OXSR1: variants seen among roughly 807,000 people sequenced by gnomAD.
OXSR1 encodes the protein oxidative stress responsive kinase 1.
Under a neutral mutation model 79.8 loss-of-function variants are expected in OXSR1, and 24 were observed. That is an observed-to-expected ratio of 0.30 (90% confidence interval 0.22 to 0.42). The LOEUF (loss-of-function observed/expected upper bound fraction) is 0.42, where lower values mean the gene tolerates loss of function less well. Ranked by LOEUF, OXSR1 falls within the 10% of genes least tolerant of loss-of-function variation. The pLI, the probability that OXSR1 is intolerant of heterozygous loss-of-function variation, is 1.00. For synonymous variants in OXSR1, 226 were observed against 209.2 expected, an observed-to-expected ratio of 1.08 and a Z score of -0.69; for missense variants, 430 against 618.4, an observed-to-expected ratio of 0.70 and a Z score of 3.23.
At chr3:38,204,136 G>T (rs1037363399) in intron 4 of OXSR1, among the ~76,000 whole-genome samples, 1 of 152,132 alleles carries the variant, frequency 6.6e-6, no homozygotes, top group Non-Finnish European at 1.5e-5. Flanking sequence ...CTCATGGCAG[G>T]TACTGCCTGG....
chr3:38,180,012 T>C (rs1408194296), intron 1 of OXSR1, among the ~76,000 whole-genome samples: 2 of 152,150 alleles, frequency 1.3e-5, no homozygotes, highest in Non-Finnish European at 2.9e-5. Flanking sequence ...TTTCACTATG[T>C]TGGCCAGATG....
chr3:38,218,890 G>A (rs555042651), intron 5 of OXSR1, among the ~76,000 whole-genome samples: 3 of 152,072 alleles, frequency 2.0e-5, no homozygotes, highest in Non-Finnish European at 2.9e-5. Flanking sequence ...TTGCACAAAG[G>A]GGGGGACCTT....
At chr3:38,210,817 G>T (rs868274139) in intron 4 of OXSR1, among the ~76,000 whole-genome samples, 3 of 152,114 alleles carry the variant, frequency 2.0e-5, no homozygotes, top group Admixed American at 2.0e-4. Context: ...TTTTCCTGTT[G>T]TGAAGACAGA....
In OXSR1 at chr3:38,255,052, A is replaced by G. The variant is rs1339533712; in HGVS notation, c.*2161A>G. The G allele has an allele frequency of 6.6e-6, 1 of 152,662 alleles. No homozygotes were observed. The highest frequency in any genetic ancestry group is 1.5e-5 in the Non-Finnish European group (1 of 68,064). 9.5% of individuals were successfully genotyped at this position (152,662 alleles called of 1,614,324 possible). A position where few individuals can be genotyped will look rare whatever the true frequency, so the allele number is the denominator to read the frequency against. ...TTTGCTGGCTTGTGCAGTGATACTG[A>G]GAAAATACATGAACAGAAACTGCCC... is the stretch of plus-strand genomic sequence containing the variant. On this transcript the variant is annotated 3_prime_UTR_variant, in exon 18 of 18. Coordinates refer to ENST00000311806, the MANE Select transcript of OXSR1 (RefSeq NM_005109.3).
intron 4 of OXSR1, among the ~76,000 whole-genome samples, chr3:38,200,551 T>C (rs1306389613): frequency 2.0e-5 from 3 of 152,128 alleles, no homozygotes; most frequent in African/African-American, 7.2e-5. Context: ...ACAGGGAATA[T>C]TTAAAGGGGA....
upstream of OXSR1, among the ~76,000 whole-genome samples, chr3:38,164,730 A>G (rs1701395396): frequency 6.6e-6 from 1 of 152,154 alleles, no homozygotes. Context: ...GAAGAAAGAC[A>G]ACCTCCCGAG....
chr3:38,226,738 C>G (rs776111758), intron 8 of OXSR1, among the ~76,000 whole-genome samples: 1 of 151,868 alleles, frequency 6.6e-6, no homozygotes, highest in East Asian at 1.9e-4. Flanking sequence ...CTGACCAGCA[C>G]TCTTCAAAAC....
At chr3:38,220,112 T>A (rs1045890308) in intron 5 of OXSR1, among the ~76,000 whole-genome samples, 1 of 152,128 alleles carries the variant, frequency 6.6e-6, no homozygotes, top group Admixed American at 6.5e-5. Flanking sequence ...CAGCCAAGAT[T>A]ATTGTGTGTT....
chr3:38,184,903 C>CTTTTT lies in OXSR1; in HGVS notation c.183+1832_183+1836dup, dbSNP rs1213000624. ...TAGTTCAAAAGTAGAAAGAACATTTCTTTTTTTTTTTTTTTTTTTTTTTTT... is the reference window on the plus strand; with the variant it reads ...TAGTTCAAAAGTAGAAAGAACATTTCTTTTTTTTTTTTTTTTTTTTTTTTTTTTTT... On this transcript the variant is annotated intron_variant, in intron 2 of 17. Transcript: ENST00000311806. Among the ~76,000 whole-genome samples the CTTTTT allele has an allele frequency of 8.7e-5, 2 of 22,888 alleles. 1 individual carries two copies. Among genetic ancestry groups the CTTTTT allele is most frequent in the Non-Finnish European group, 2.1e-4 (2 of 9,384 alleles). The allele number at this position is 22,888 out of a possible 152,430, so 15.0% of individuals were successfully genotyped here.
chr3:38,225,277 G>T (rs1702668012), intron 8 of OXSR1, among the ~76,000 whole-genome samples: 1 of 152,060 alleles, frequency 6.6e-6, no homozygotes, highest in Non-Finnish European at 1.5e-5. Flanking sequence ...TATTTTTGAG[G>T]TCACTTGATA....
At chr3:38,227,979 C>T (rs1702726009) in intron 8 of OXSR1, among the ~76,000 whole-genome samples, 1 of 152,186 alleles carries the variant, frequency 6.6e-6, no homozygotes, top group South Asian at 2.1e-4. Flanking sequence ...GTGTATTAGG[C>T]AGTTTTGTCA....
chr3:38,239,108 G>A (rs984077711), intron 11 of OXSR1, among the ~76,000 whole-genome samples: 29 of 152,038 alleles, frequency 1.9e-4, no homozygotes, highest in African/African-American at 7.0e-4. Flanking sequence ...TAGTCTAGAA[G>A]TTTAATTTTT....
In OXSR1 at chr3:38,252,850, G is replaced by A. The variant is rs755028275; in HGVS notation, c.1543G>A (p.Asp515Asn). 18 of 1,613,756 alleles carry A rather than the reference G, an allele frequency of 1.1e-5. No individual in the cohort carries two copies. The highest frequency in any genetic ancestry group is 1.4e-5 in the Non-Finnish European group (17 of 1,179,744). ...SGVEGSDIPD[D>N]GKLIGFAQLS... is the part of the protein sequence containing the mutation. ...TGTCGAAGGCTCAGATATTCCTGAT[G>A]ATGGTAAACTGATAGGATTTGCCCA... Residue 515 changes from aspartate to asparagine, a missense_variant, in exon 18 of 18, where the codon GAT becomes AAT. Asp to Asn is a conservative substitution (Grantham distance 23, BLOSUM62 1). This residue lies in a region of OXSR1 where 276 missense variants were observed against 354.2 expected (regional missense o/e 0.78). Transcript: ENST00000311806.
chr3:38,237,942 G>C (rs1702952712), intron 11 of OXSR1, among the ~76,000 whole-genome samples: 1 of 152,122 alleles, frequency 6.6e-6, no homozygotes, highest in African/African-American at 2.4e-5. Flanking sequence ...GGAAGCTAAA[G>C]CTGCATGAAT....
At chr3:38,247,798 C>A in intron 14 of OXSR1, 66 bp downstream of exon 14, 1 of 1,020,130 alleles carries the variant, frequency 9.8e-7, no homozygotes, top group South Asian at 1.4e-5. Context: ...CTGTAATAGT[C>A]TGTGCCTGAG....
intron 15 of OXSR1, among the ~76,000 whole-genome samples, chr3:38,251,156 CAG>C (rs1377869644): frequency 2.0e-5 from 3 of 152,040 alleles, no homozygotes; most frequent in Non-Finnish European, 4.4e-5. Flanking sequence ...CATCATGTCT[CAG>C]ATATTTGCTA....
chr3:38,181,635 C>T (rs1701788554), intron 1 of OXSR1, among the ~76,000 whole-genome samples: 1 of 152,130 alleles, frequency 6.6e-6, no homozygotes, highest in Non-Finnish European at 1.5e-5. Context: ...CAGGCGTGAG[C>T]CACCATGCCC....
intron 13 of OXSR1, among the ~76,000 whole-genome samples, chr3:38,246,863 G>A (rs1266364778): frequency 6.6e-6 from 1 of 152,012 alleles, no homozygotes; most frequent in Admixed American, 6.6e-5. Flanking sequence ...TATGGTACAT[G>A]GTTAAAGTAA....
intron 2 of OXSR1, among the ~76,000 whole-genome samples, chr3:38,187,200 A>G (rs932294829): frequency 6.6e-6 from 1 of 152,244 alleles, no homozygotes; most frequent in South Asian, 2.1e-4. Flanking sequence ...AAATATTATA[A>G]CTGAAACATT....
Sources: gnomAD v4.1 joint callset for allele counts (sites outside exome capture counted in the v4.1 genomes callset) on GRCh38, gnomAD v4.1.1 for gene constraint, gnomAD v4.1.1 regional missense constraint, MANE v1.5 for transcripts, NCBI Gene and HGNC (gene_info 2026-07-23, HGNC 2026-07-21) for gene names.